Variants in PLA2G1B observed in about 807,000 individuals in gnomAD.
PLA2G1B encodes phospholipase A2 group IB, also known as phospholipase A2.
Under a neutral mutation model 12.5 loss-of-function variants are expected in PLA2G1B, and 12 were observed. The observed-to-expected ratio is 0.96, with a 90% CI of 0.62 to 1.56. The LOEUF (loss-of-function observed/expected upper bound fraction) is 1.56. PLA2G1B is among the 40% of genes most tolerant of loss of function. The probability of loss-of-function intolerance (pLI) is 0.00; values close to 1 mark genes in which losing one functional copy is unlikely to be tolerated. For synonymous variants in PLA2G1B, 81 were observed against 73.4 expected (o/e 1.10, Z -0.53); for missense variants, 189 against 186.7 (o/e 1.01, Z -0.07).
In PLA2G1B at chr12:120,324,930, C is replaced by G; in HGVS notation, c.322+4G>C. The G allele has an allele frequency of 6.2e-7, 1 of 1,614,060 alleles. No homozygotes were observed. Among genetic ancestry groups the G allele is most frequent in the Non-Finnish European group, 8.5e-7 (1 of 1,179,962 alleles). ...TTCATAGGTCAAGGAAGGGATAAAC[C>G]TACTGCTACAGGTGATTGCCGAGCC... On this transcript the variant is annotated splice_donor_region_variant and intron_variant, in intron 3 of 3. Coordinates refer to ENST00000308366, the MANE Select transcript of PLA2G1B (RefSeq NM_000928.3).
At chr12:120,324,875 T>C (rs576599173) in intron 3 of PLA2G1B, 59 bp downstream of exon 3, 1 of 1,570,262 alleles carries the variant, frequency 6.4e-7, no homozygotes, top group Non-Finnish European at 8.8e-7. Flanking sequence ...TACTATTATT[T>C]CCCCCCGGCC....
Position 120,325,901 on chromosome 12 carries a change from C to A in PLA2G1B, c.154G>T (p.Gly52Cys). Residue 52 changes from glycine (G) to cysteine (C), a missense_variant, in exon 2 of 4, where the codon GGC becomes TGC. Physicochemically the swap from Gly to Cys is radical, Grantham distance 159 (BLOSUM62 -3). Coordinates refer to ENST00000308366, the MANE Select transcript of PLA2G1B (RefSeq NM_000928.3). The stretch of plus-strand genomic sequence containing the variant: ...ACGGGGGTGCCTGAGCCCCCCAAGC[C>A]ACAGTAGCAGCCGTAGTTGTTGTAT... ...LEYNNYGCYC[G>C]LGGSGTPVDE... 1 of 1,614,206 alleles carries A rather than the reference C, an allele frequency of 6.2e-7. No individual in the cohort carries two copies. Among genetic ancestry groups the A allele is most frequent in the Non-Finnish European group, 8.5e-7 (1 of 1,180,034 alleles).
chr12:120,323,377 TG>T (rs1873275228), intron 3 of PLA2G1B, among the ~76,000 whole-genome samples: 1 of 152,110 alleles, frequency 6.6e-6, no homozygotes, highest in African/African-American at 2.4e-5. Context: ...GCAATTCTCT[TG>T]CCTCAGCCTC....
chr12:120,326,181 A>AT, intron 1 of PLA2G1B, 161 bp from the exon 2 acceptor site: 2 of 373,084 alleles, frequency 5.4e-6, no homozygotes, highest in Non-Finnish European at 8.6e-6. Context: ...AAGTGGGTAG[A>AT]GGTTTTTTTT....
In PLA2G1B at chr12:120,327,622, A is replaced by G; in HGVS notation, c.34+98T>C. ...TCGAATTGAGACTGCGGGGCTGGCC[A>G]TCCCTGTTTGCTGTGGCCTGTGGCC... On this transcript the variant is annotated intron_variant, in intron 1 of 3. Coordinates refer to ENST00000308366, the MANE Select transcript of PLA2G1B (RefSeq NM_000928.3). The G allele has an allele frequency of 5.0e-6, 6 of 1,192,686 alleles. No individual in the cohort carries two copies. The Admixed American group carries it at 8.4e-5, about 17-fold the overall frequency. The allele number at this position is 1,192,686 out of a possible 1,614,324, so 73.9% of individuals were successfully genotyped here. A position where few individuals can be genotyped will look rare whatever the true frequency, so the allele number is the denominator to read the frequency against.
intron 1 of PLA2G1B, 128 bp downstream of exon 1, chr12:120,327,592 G>A: frequency 2.2e-6 from 2 of 910,760 alleles, no homozygotes; most frequent in Non-Finnish European, 3.6e-6. Flanking sequence ...GCCCCACTGG[G>A]AACCTCGAAT....
intron 1 of PLA2G1B, 160 bp from the exon 2 acceptor site, chr12:120,326,180 GA>G (rs1873343431): frequency 5.0e-6 from 2 of 400,010 alleles, no homozygotes; most frequent in Non-Finnish European, 4.0e-6. Context: ...AAAGTGGGTA[GA>G]GGTTTTTTTT....
At position 120,326,035 on chromosome 12, in the gene PLA2G1B, AG is replaced by A; in HGVS notation, c.35-16del. The A allele has an allele frequency of 6.2e-7, 1 of 1,612,894 alleles. No homozygotes were observed. The highest frequency in any genetic ancestry group is 8.5e-7 in the Non-Finnish European group (1 of 1,179,886). Reference sequence around the variant, plus strand: ...GGCGGCGGCCACTGCAAGAAGACATAGCCAGAGTTCAAATCGGTCTGCCAGC... The same window carrying A: ...GGCGGCGGCCACTGCAAGAAGACATACCAGAGTTCAAATCGGTCTGCCAGC... On this transcript the variant is annotated splice_polypyrimidine_tract_variant and intron_variant, in intron 1 of 3. Coordinates refer to ENST00000308366, the MANE Select transcript of PLA2G1B (RefSeq NM_000928.3).
At chr12:120,325,810 C>G (rs1418527500) in intron 2 of PLA2G1B, 51 bp downstream of exon 2, 2 of 1,584,196 alleles carry the variant, frequency 1.3e-6, no homozygotes, top group Non-Finnish European at 1.7e-6. Flanking sequence ...GGCGTGTGCC[C>G]CACCCCGCCC....
Position 120,322,115 on chromosome 12 carries a change from G to T in PLA2G1B, c.*78C>A. Reference sequence around the variant, plus strand: ...GAATAAAACAATATCCAAACATGAGGTCTTTCAACAAGGTGCTTTATTGGA... The same window carrying T: ...GAATAAAACAATATCCAAACATGAGTTCTTTCAACAAGGTGCTTTATTGGA... On this transcript the variant is annotated 3_prime_UTR_variant, in exon 4 of 4. Coordinates refer to ENST00000308366, the MANE Select transcript of PLA2G1B (RefSeq NM_000928.3). 7.3e-7 allele frequency: 1 copy of T among 1,366,824 alleles called. No individual in the cohort carries two copies. Among genetic ancestry groups the T allele is most frequent in the Non-Finnish European group, 1.0e-6 (1 of 981,198 alleles). The allele number at this position is 1,366,824 out of a possible 1,614,324, so 84.7% of individuals were successfully genotyped here.
chr12:120,326,837 G>C (rs1254410800), intron 1 of PLA2G1B, among the ~76,000 whole-genome samples: 1 of 151,978 alleles, frequency 6.6e-6, no homozygotes, highest in Non-Finnish European at 1.5e-5. Flanking sequence ...GGGGCGTGGT[G>C]GCAGGCGCCT....
At chr12:120,326,919 C>T (rs552495027) in intron 1 of PLA2G1B, among the ~76,000 whole-genome samples, 1 of 151,576 alleles carries the variant, frequency 6.6e-6, no homozygotes, top group African/African-American at 2.4e-5. Context: ...TGCAGTGAGC[C>T]GAGATCGCAC....
At chr12:120,326,609 A>G (rs1873355436) in intron 1 of PLA2G1B, among the ~76,000 whole-genome samples, 1 of 148,050 alleles carries the variant, frequency 6.8e-6, no homozygotes, top group African/African-American at 2.5e-5. Flanking sequence ...AATAATAATA[A>G]TAATAATAAT....
At chr12:120,327,606 G>T in intron 1 of PLA2G1B, 114 bp downstream of exon 1, 1 of 1,026,496 alleles carries the variant, frequency 9.7e-7, no homozygotes, top group Non-Finnish European at 1.5e-6. Context: ...CTCGAATTGA[G>T]ACTGCGGGGC....
intron 3 of PLA2G1B, among the ~76,000 whole-genome samples, chr12:120,323,386 C>T (rs1170314533): frequency 1.3e-5 from 2 of 152,040 alleles, no homozygotes; most frequent in Non-Finnish European, 2.9e-5. Flanking sequence ...TTGCCTCAGC[C>T]TCCCGAGTAG....
At chr12:120,322,500 G>A (rs1873256195) in intron 3 of PLA2G1B, among the ~76,000 whole-genome samples, 183 bp from the exon 4 acceptor site, 4 of 152,184 alleles carry the variant, frequency 2.6e-5, no homozygotes, top group Non-Finnish European at 5.9e-5. Flanking sequence ...GATAAACAAT[G>A]AATGCAATAT....
rs1353443700 is a variant in PLA2G1B at position 120,324,945 on chromosome 12, A to G, written c.311T>C (p.Ile104Thr). The G allele has an allele frequency of 1.9e-6, 3 of 1,614,024 alleles. No homozygotes were observed. The highest frequency in any genetic ancestry group is 2.7e-5 in the African/African-American group (2 of 74,916). ...AGGGATAAACCTACTGCTACAGGTG[A>G]TTGCCGAGCCAGAGCACGAGTATGA... The part of the protein sequence containing the change: ...TYSYSCSGSA[I>T]TCSSKNKECE... The change falls in exon 3 of 4, where the codon ATC becomes ACC. Residue 104 changes from isoleucine (I) to threonine (T), a missense_variant. Coordinates refer to ENST00000308366, the MANE Select transcript of PLA2G1B (RefSeq NM_000928.3).
At chr12:120,326,508 T>C (rs1873351630) in intron 1 of PLA2G1B, among the ~76,000 whole-genome samples, 2 of 149,206 alleles carry the variant, frequency 1.3e-5, no homozygotes, top group Non-Finnish European at 3.0e-5. Context: ...GTTTATCCAG[T>C]GAATATTTAT....
In PLA2G1B at chr12:120,322,149, T is replaced by A; in HGVS notation, c.*44A>T. On this transcript the variant is annotated 3_prime_UTR_variant, in exon 4 of 4. Transcript: ENST00000308366. ...CAAGGTGCTTTATTGGAGAGTACAG[T>A]GTGAGATGAGGCAGATAGAGGTGAT... 1 of 1,602,472 alleles carries A rather than the reference T, an allele frequency of 6.2e-7. No homozygotes were observed. The highest frequency in any genetic ancestry group is 1.1e-5 in the South Asian group (1 of 90,070).
Sources: gnomAD v4.1 joint callset for allele counts (sites outside exome capture counted in the v4.1 genomes callset) on GRCh38, gnomAD v4.1.1 for gene constraint, MANE v1.5 for transcripts, NCBI Gene and HGNC (gene_info 2026-07-23, HGNC 2026-07-21) for gene names.